MAP2K6: variants seen among roughly 807,000 people sequenced by gnomAD.
MAP2K6 encodes the protein mitogen-activated protein kinase kinase 6, also known as dual specificity mitogen-activated protein kinase kinase 6.
Under a neutral mutation model 53.7 loss-of-function variants are expected in MAP2K6, and 16 were observed. That is an observed-to-expected ratio of 0.30 (90% CI 0.20 to 0.45). MAP2K6 has a LOEUF of 0.45. Among genes scored for constraint, MAP2K6 ranks in the 20% least tolerant of loss-of-function variants. MAP2K6 has a pLI of 1.00. For missense variants in MAP2K6, 204 were observed against 411.9 expected (o/e 0.50, Z 4.37); for synonymous variants, 132 against 143.1 (o/e 0.92, Z 0.55).
At chr17:69,419,177 A>G (rs1489509477) in intron 1 of MAP2K6, among the ~76,000 whole-genome samples, 1 of 152,234 alleles carries the variant, frequency 6.6e-6, no homozygotes, top group East Asian at 1.9e-4. Flanking sequence ...TTAATGTCAT[A>G]TTGAGTTTTC....
intron 1 of MAP2K6, among the ~76,000 whole-genome samples, chr17:69,466,343 C>G (rs1393137541): frequency 6.6e-6 from 1 of 151,926 alleles, no homozygotes; most frequent in African/African-American, 2.4e-5. Context: ...TCTTTCCACC[C>G]CCTTCCTCTA....
At chr17:69,462,189 C>T (rs1336792804) in intron 1 of MAP2K6, among the ~76,000 whole-genome samples, 1 of 152,156 alleles carries the variant, frequency 6.6e-6, no homozygotes, top group Non-Finnish European at 1.5e-5. Context: ...AGGCACAACA[C>T]TGGCCATAGA....
At chr17:69,472,964 C>T (rs1237333945) in intron 1 of MAP2K6, among the ~76,000 whole-genome samples, 2 of 152,226 alleles carry the variant, frequency 1.3e-5, no homozygotes, top group Non-Finnish European at 2.9e-5. Flanking sequence ...ACCTCGGCCT[C>T]CCAAAGTGCT....
At chr17:69,452,315 C>A (rs1290133218) in intron 1 of MAP2K6, among the ~76,000 whole-genome samples, 1 of 151,882 alleles carries the variant, frequency 6.6e-6, no homozygotes, top group East Asian at 1.9e-4. Flanking sequence ...GAATTTGACA[C>A]ATTCTGCCCT....
intron 1 of MAP2K6, among the ~76,000 whole-genome samples, chr17:69,500,414 C>A (rs972305841): frequency 1.4e-5 from 2 of 140,268 alleles, no homozygotes; most frequent in African/African-American, 5.4e-5. Flanking sequence ...GACCACTGCA[C>A]TCCAGCCTGG....
chr17:69,425,644 A>G (rs1567813720), intron 1 of MAP2K6, among the ~76,000 whole-genome samples: 1 of 152,182 alleles, frequency 6.6e-6, no homozygotes, highest in Non-Finnish European at 1.5e-5. Context: ...CTTTCTCTCC[A>G]GCCAAAGCAG....
At chr17:69,492,363 G>C (rs573809886) in intron 1 of MAP2K6, among the ~76,000 whole-genome samples, 1 of 152,158 alleles carries the variant, frequency 6.6e-6, no homozygotes, top group Non-Finnish European at 1.5e-5. Flanking sequence ...TCAACCTTCT[G>C]CATATAGCTA....
chr17:69,481,438 C>A (rs1208655222), intron 1 of MAP2K6, among the ~76,000 whole-genome samples: 1 of 152,130 alleles, frequency 6.6e-6, no homozygotes, highest in Non-Finnish European at 1.5e-5. Flanking sequence ...CACCTTTTGG[C>A]AATTGTGAAT....
intron 6 of MAP2K6, chr17:69,520,843 C>T (rs1250065899): frequency 8.4e-6 from 4 of 478,036 alleles, no homozygotes; most frequent in South Asian, 3.8e-5. Context: ...AGGGAGACAT[C>T]CTCTCTGATA....
chr17:69,512,328 GTTTTTTTTTTGTTTT>G (rs1386163918), intron 2 of MAP2K6, among the ~76,000 whole-genome samples: 1,170 of 75,232 alleles, frequency 0.016, 76 homozygotes, highest in African/African-American at 0.055. Flanking sequence ...CTTTCTAAGT[GTTTTTTTTTTGTTTT>G]TTTTTTTTTT....
At chr17:69,463,625 TAC>T in intron 1 of MAP2K6, among the ~76,000 whole-genome samples, 1 of 150,542 alleles carries the variant, frequency 6.6e-6, no homozygotes, top group East Asian at 2.0e-4. Flanking sequence ...TCTATATATA[TAC>T]ACACACACAT....
rs940558705 is a variant in MAP2K6, at chr17:69,550,351, T to C, written c.*8598T>C. On this transcript the variant is annotated 3_prime_UTR_variant, in exon 12 of 12. Transcript: ENST00000590474. Reference sequence around the variant, plus strand: ...CCAAAGCCTGAGCTCCTTAACCTTTTGTTCCAGAGGGCAGACATTTTTAAG... The same window carrying C: ...CCAAAGCCTGAGCTCCTTAACCTTTCGTTCCAGAGGGCAGACATTTTTAAG... 2 of 152,216 alleles carry C rather than the reference T, an allele frequency of 1.3e-5. No homozygotes were observed. Among genetic ancestry groups the C allele is most frequent in the Non-Finnish European group, 2.9e-5 (2 of 68,032 alleles). 9.4% of individuals were successfully genotyped at this position (152,216 alleles called of 1,614,324 possible). A position where few individuals can be genotyped will look rare whatever the true frequency, so the allele number is the denominator to read the frequency against.
chr17:69,498,827 A>G (rs1314853729), intron 1 of MAP2K6, among the ~76,000 whole-genome samples: 2 of 152,124 alleles, frequency 1.3e-5, no homozygotes, highest in African/African-American at 4.8e-5. Context: ...AGCGTGACTG[A>G]GAGGTGGTCA....
intron 1 of MAP2K6, among the ~76,000 whole-genome samples, chr17:69,478,745 G>A (rs187434249): frequency 3.3e-5 from 5 of 152,286 alleles, no homozygotes; most frequent in Non-Finnish European, 1.5e-5. Flanking sequence ...CTTTCAAGGC[G>A]TAGTGTATAG....
chr17:69,449,539 T>TTG (rs1555602234), intron 1 of MAP2K6, among the ~76,000 whole-genome samples: 3 of 105,346 alleles, frequency 2.8e-5, no homozygotes, highest in Non-Finnish European at 3.8e-5. Context: ...TTGTCTTTCT[T>TTG]TCTTTCTTTC....
intron 8 of MAP2K6, 76 bp from the exon 9 acceptor site, chr17:69,524,825 A>G (rs1910679007): frequency 8.9e-7 from 1 of 1,120,128 alleles, no homozygotes; most frequent in African/African-American, 1.5e-5. Flanking sequence ...TGCTACCCCC[A>G]TCCCCAGAGA....
At chr17:69,499,623 A>G (rs1322401871) in intron 1 of MAP2K6, among the ~76,000 whole-genome samples, 1 of 152,226 alleles carries the variant, frequency 6.6e-6, no homozygotes, top group Admixed American at 6.5e-5. Flanking sequence ...TTGAGAAAAG[A>G]ATAACAAACA....
chr17:69,496,131 A>T (rs1389306545), intron 1 of MAP2K6, among the ~76,000 whole-genome samples: 1 of 151,894 alleles, frequency 6.6e-6, no homozygotes, highest in African/African-American at 2.4e-5. Flanking sequence ...AACCCATTTG[A>T]GCACTTTTAT....
At chr17:69,444,097 G>A (rs901671468) in intron 1 of MAP2K6, among the ~76,000 whole-genome samples, 4 of 152,224 alleles carry the variant, frequency 2.6e-5, no homozygotes, top group African/African-American at 9.6e-5. Flanking sequence ...CCATATAAAA[G>A]GTCTGAGTAG....
Sources: allele counts gnomAD v4.1 joint callset (sites outside exome capture counted in the v4.1 genomes callset), GRCh38; gene constraint gnomAD v4.1.1; transcripts MANE v1.5; gene names NCBI Gene and HGNC (gene_info 2026-07-23, HGNC 2026-07-21).